Variants in SCG3 observed in about 807,000 individuals in gnomAD.
SCG3 encodes secretogranin-3.
A neutral mutation model predicts 56.2 loss-of-function variants in SCG3; 38 were observed. The observed-to-expected ratio is 0.68, with a 90% CI of 0.52 to 0.89. The LOEUF (loss-of-function observed/expected upper bound fraction) is 0.89. SCG3 is among the 40% of genes least tolerant of loss of function. The pLI is 0.00. For missense variants in SCG3, 524 were observed against 540.7 expected, an observed-to-expected ratio of 0.97 and a Z score of 0.31; for synonymous variants, 176 against 184.2, an observed-to-expected ratio of 0.96 and a Z score of 0.36.
chr15:51,714,009 G>GA (rs1323232342), intron 11 of SCG3, among the ~76,000 whole-genome samples: 4 of 152,200 alleles, frequency 2.6e-5, no homozygotes, highest in Non-Finnish European at 5.9e-5. Flanking sequence ...AGACAGTTGA[G>GA]AGAAGGGCCA....
chr15:51,716,976 A>G (rs1341316048), intron 11 of SCG3, among the ~76,000 whole-genome samples: 4 of 152,202 alleles, frequency 2.6e-5, no homozygotes, highest in Non-Finnish European at 5.9e-5. Flanking sequence ...CTGTAATCCC[A>G]GCACTTTGGG....
At chr15:51,699,846 G>A (rs184544801) in intron 9 of SCG3, among the ~76,000 whole-genome samples, 3 of 152,056 alleles carry the variant, frequency 2.0e-5, no homozygotes, top group East Asian at 3.9e-4. Flanking sequence ...TGTGCCCCTA[G>A]GTAGTGTGCT....
chr15:51,708,687 C>T (rs1205572200), intron 10 of SCG3, among the ~76,000 whole-genome samples: 1 of 152,040 alleles, frequency 6.6e-6, no homozygotes, highest in African/African-American at 2.4e-5. Flanking sequence ...AACCCCGTCG[C>T]TACTAAAAAA....
intron 7 of SCG3, among the ~76,000 whole-genome samples, chr15:51,695,021 A>G (rs945333428): frequency 4.7e-5 from 7 of 148,602 alleles, no homozygotes; most frequent in African/African-American, 7.5e-5. Context: ...ACAGAGTGAG[A>G]CTCTATCTCA....
At chr15:51,699,553 T>G in intron 9 of SCG3, 151 bp downstream of exon 9, 1 of 627,122 alleles carries the variant, frequency 1.6e-6, no homozygotes, top group East Asian at 3.1e-5. Flanking sequence ...AGATGTGACC[T>G]TGGCTATTTT....
Position 51,692,223 on chromosome 15 carries a change from C to T in SCG3, c.755C>T (p.Thr252Ile). 1.2e-6 allele frequency: 2 copies of T among 1,614,074 alleles called. No homozygotes were observed. The highest frequency in any genetic ancestry group is 1.7e-6 in the Non-Finnish European group (2 of 1,179,950). Reference sequence around the variant, plus strand: ...GAAAACGATGAAACAGTATCTAACACATTAACCTTGACAAATGGCTTGGAA... The same window carrying T: ...GAAAACGATGAAACAGTATCTAACATATTAACCTTGACAAATGGCTTGGAA... ...KGENDETVSN[T>I]LTLTNGLERR... The change falls in exon 7 of 12, where the codon ACA becomes ATA. Residue 252 changes from threonine (T) to isoleucine (I), a missense_variant. Physicochemically the swap from Thr to Ile is moderately conservative, Grantham distance 89 (BLOSUM62 -1). Transcript: ENST00000220478.
Position 51,695,928 on chromosome 15 carries a change from G to A in SCG3, c.922G>A (p.Asp308Asn). 6.2e-7 allele frequency: 1 copy of A among 1,611,840 alleles called. No individual in the cohort carries two copies. Among genetic ancestry groups the A allele is most frequent in the Non-Finnish European group, 8.5e-7 (1 of 1,178,206 alleles). The change falls in exon 8 of 12, where the codon GAC becomes AAC. Residue 308 changes from aspartate (D) to asparagine (N), a missense_variant. Asp to Asn is a conservative substitution (Grantham distance 23). Coordinates refer to ENST00000220478, the MANE Select transcript of SCG3 (RefSeq NM_013243.4). ...TLITIMKTLI[D>N]FVKMMVKYGT... Reference sequence around the variant, plus strand: ...GATTACTATCATGAAAACACTGATTGACTTTGTGAAGATGATGGTGAAATA... The same window carrying A: ...GATTACTATCATGAAAACACTGATTAACTTTGTGAAGATGATGGTGAAATA...
chr15:51,695,306 C>T (rs1182162240), intron 7 of SCG3, among the ~76,000 whole-genome samples: 1 of 152,102 alleles, frequency 6.6e-6, no homozygotes, highest in Non-Finnish European at 1.5e-5. Flanking sequence ...AAAGATTGTT[C>T]TTGCCCTCAG....
Position 51,683,389 on chromosome 15 carries a change from G to A in SCG3, c.352G>A (p.Asp118Asn), listed in dbSNP as rs775852158. 39 of 1,613,554 alleles carry A rather than the reference G, an allele frequency of 2.4e-5. 1 individual carries two copies. The highest frequency in any genetic ancestry group is 8.9e-5 in the East Asian group (4 of 44,824). ...TTCAACCAAGAATCGAAAACTGATCGATGATTATGACTCTACTAAGAGTGG... is the reference window on the plus strand; with the variant it reads ...TTCAACCAAGAATCGAAAACTGATCAATGATTATGACTCTACTAAGAGTGG... ...VDSTKNRKLI[D>N]DYDSTKSGLD... The change falls in exon 4 of 12, where the codon GAT (aspartate) becomes AAT (asparagine). Residue 118 changes from aspartate (D) to asparagine (N), a missense_variant. Coordinates refer to ENST00000220478, the MANE Select transcript of SCG3 (RefSeq NM_013243.4).
intron 10 of SCG3, among the ~76,000 whole-genome samples, chr15:51,704,238 T>TAC (rs1211175899): frequency 1.5e-5 from 1 of 66,996 alleles, no homozygotes; most frequent in Non-Finnish European, 2.9e-5. Flanking sequence ...TATACATACA[T>TAC]ACATACATAT....
Position 51,681,637 on chromosome 15 carries a change from T to TCC in SCG3, c.-117_-116dup. Reference sequence around the variant, plus strand: ...TGCAGCCGCCCAGTCCCGGCCCCTCTCCCGCCCCACACCCACCCTCCTGGC... The same window carrying TCC: ...TGCAGCCGCCCAGTCCCGGCCCCTCTCCCCCGCCCCACACCCACCCTCCTGGC... On this transcript the variant is annotated 5_prime_UTR_variant, in exon 1 of 12. Transcript: ENST00000220478. 1.7e-6 allele frequency: 1 copy of TCC among 582,690 alleles called. No individual in the cohort carries two copies. The highest frequency in any genetic ancestry group is 3.3e-6 in the Non-Finnish European group (1 of 307,202). The allele number at this position is 582,690 out of a possible 1,614,324, so 36.1% of individuals were successfully genotyped here. A position where few individuals can be genotyped will look rare whatever the true frequency, so the allele number is the denominator to read the frequency against.
At chr15:51,717,821 A>G (rs535591153) in intron 11 of SCG3, among the ~76,000 whole-genome samples, 39 of 152,314 alleles carry the variant, frequency 2.6e-4, no homozygotes, top group African/African-American at 9.4e-4. Context: ...TGGAGACTTC[A>G]TTGGATAGGC....
chr15:51,682,707 A>AC, intron 2 of SCG3, 138 bp downstream of exon 2: 1 of 600,574 alleles, frequency 1.7e-6, no homozygotes, highest in Non-Finnish European at 2.8e-6. Context: ...AGAAATTAGG[A>AC]CGGGAAATCT....
chr15:51,714,660 G>A (rs1414201232), intron 11 of SCG3, among the ~76,000 whole-genome samples: 1 of 152,178 alleles, frequency 6.6e-6, no homozygotes, highest in Non-Finnish European at 1.5e-5. Flanking sequence ...CACAGCTCTG[G>A]CATCAGTATT....
chr15:51,710,489 G>C (rs1448469727), intron 10 of SCG3, among the ~76,000 whole-genome samples: 1 of 152,152 alleles, frequency 6.6e-6, no homozygotes, highest in Non-Finnish European at 1.5e-5. Context: ...GAATAAAATA[G>C]CTTTTCATAC....
chr15:51,714,742 AAG>A (rs2055442512), intron 11 of SCG3, among the ~76,000 whole-genome samples: 1 of 152,210 alleles, frequency 6.6e-6, no homozygotes. Flanking sequence ...CAGAGGGAGA[AAG>A]AGGTATTTTC....
At chr15:51,708,601 A>T (rs959047096) in intron 10 of SCG3, among the ~76,000 whole-genome samples, 2 of 152,222 alleles carry the variant, frequency 1.3e-5, no homozygotes, top group African/African-American at 4.8e-5. Flanking sequence ...CACGCCTGTC[A>T]TCCCAGCACT....
intron 2 of SCG3, 28 bp from the exon 3 acceptor site, chr15:51,683,051 C>T (rs748820719): frequency 1.3e-6 from 2 of 1,590,236 alleles, no homozygotes; most frequent in South Asian, 2.2e-5. Context: ...TGATTTTAAA[C>T]CAAGTCTATC....
At chr15:51,688,126 G>A in intron 4 of SCG3, 134 bp from the exon 5 acceptor site, 1 of 819,666 alleles carries the variant, frequency 1.2e-6, no homozygotes, top group Non-Finnish European at 1.7e-6. Context: ...GGGTTTCTGT[G>A]GACCGAGAAC....
Sources: allele counts gnomAD v4.1 joint callset (sites outside exome capture counted in the v4.1 genomes callset), GRCh38; gene constraint gnomAD v4.1.1; transcripts MANE v1.5; gene names NCBI Gene and HGNC (gene_info 2026-07-23, HGNC 2026-07-21).